TBC1D5: variants seen among roughly 807,000 people sequenced by gnomAD.
The protein encoded by TBC1D5 is TBC1 domain family member 5.
TBC1D5 carries 75 observed loss-of-function variants against 100.3 expected under a neutral mutation model. The ratio of observed to expected loss-of-function variants is 0.75; its 90% confidence interval spans 0.62 to 0.91. TBC1D5 has a LOEUF of 0.91. Ranked by LOEUF, TBC1D5 falls within the 40% of genes least tolerant of loss-of-function variation. The pLI is 0.00. For synonymous variants in TBC1D5, 323 were observed against 325.6 expected (o/e 0.99, Z 0.09); for missense variants, 910 against 942.4 (o/e 0.97, Z 0.45).
chr3:17,706,315 A>G (rs2074157321), intron 1 of TBC1D5: 3 of 1,466,040 alleles, frequency 2.0e-6, no homozygotes, highest in Admixed American at 2.1e-5. Flanking sequence ...TGTTCAAACC[A>G]GAACTGTATA....
chr3:17,562,447 T>C (rs1243058431), intron 2 of TBC1D5, among the ~76,000 whole-genome samples: 4 of 151,494 alleles, frequency 2.6e-5, no homozygotes, highest in Non-Finnish European at 4.4e-5. Context: ...ATAGTGTCTA[T>C]AACTATTCAA....
chr3:17,257,682 T>C (rs1273125676), intron 16 of TBC1D5, among the ~76,000 whole-genome samples: 1 of 152,192 alleles, frequency 6.6e-6, no homozygotes, highest in African/African-American at 2.4e-5. Flanking sequence ...TGAGTTCCTA[T>C]GCAGCAGGAA....
At chr3:17,635,419 G>A (rs555498221) in intron 1 of TBC1D5, among the ~76,000 whole-genome samples, 4 of 152,286 alleles carry the variant, frequency 2.6e-5, no homozygotes, top group South Asian at 2.1e-4. Context: ...GGTGTCTCAC[G>A]CCTGTAATCC....
chr3:17,484,598 T>A (rs1190327269), intron 3 of TBC1D5, among the ~76,000 whole-genome samples: 6 of 151,930 alleles, frequency 3.9e-5, no homozygotes, highest in Admixed American at 3.9e-4. Context: ...CAGGCTCAAG[T>A]GAGCCTCCCA....
At chr3:17,370,941 T>C (rs1299493404) in intron 13 of TBC1D5, among the ~76,000 whole-genome samples, 1 of 152,200 alleles carries the variant, frequency 6.6e-6, no homozygotes, top group East Asian at 1.9e-4. Context: ...TGCCTAGCAC[T>C]ACATATAAAT....
intron 3 of TBC1D5, among the ~76,000 whole-genome samples, chr3:17,490,837 A>G (rs1399133081): frequency 1.3e-5 from 2 of 152,142 alleles, no homozygotes; most frequent in Non-Finnish European, 2.9e-5. Flanking sequence ...TTTTTCTAAT[A>G]TTGTGAAGAA....
intron 4 of TBC1D5, among the ~76,000 whole-genome samples, chr3:17,409,327 CA>C (rs2093858959): frequency 6.6e-6 from 1 of 152,090 alleles, no homozygotes; most frequent in African/African-American, 2.4e-5. Flanking sequence ...CCATATAAGA[CA>C]GTGAACTTAC....
chr3:17,244,739 C>CT (rs1427005575), intron 16 of TBC1D5, among the ~76,000 whole-genome samples: 1 of 152,056 alleles, frequency 6.6e-6, no homozygotes, highest in African/African-American at 2.4e-5. Context: ...TATTGATCTG[C>CT]TGAGTGGATT....
intron 1 of TBC1D5, among the ~76,000 whole-genome samples, chr3:17,693,636 C>T (rs189016410): frequency 1.6e-4 from 25 of 152,390 alleles, no homozygotes; most frequent in African/African-American, 3.6e-4. Flanking sequence ...CCGCTAGACT[C>T]CACCTCCGTA....
At chr3:17,338,871 C>T (rs2088383870) in intron 13 of TBC1D5, among the ~76,000 whole-genome samples, 2 of 152,254 alleles carry the variant, frequency 1.3e-5, no homozygotes, top group South Asian at 4.1e-4. Flanking sequence ...AATTAGTATA[C>T]AATGAATTCA....
At chr3:17,313,054 A>T (rs185475492) in intron 13 of TBC1D5, among the ~76,000 whole-genome samples, 6 of 152,298 alleles carry the variant, frequency 3.9e-5, no homozygotes, top group African/African-American at 1.4e-4. Context: ...AAATTCCAAT[A>T]AAGCTAATGC....
intron 17 of TBC1D5, 58 bp from the exon 19 acceptor site, chr3:17,214,428 G>C: frequency 6.5e-7 from 1 of 1,531,162 alleles, no homozygotes; most frequent in Non-Finnish European, 8.9e-7. Flanking sequence ...TAAGCTATTC[G>C]ATCTACTGTT....
At chr3:17,389,617 A>T (rs1055015300) in intron 8 of TBC1D5, among the ~76,000 whole-genome samples, 6 of 152,240 alleles carry the variant, frequency 3.9e-5, no homozygotes, top group African/African-American at 1.4e-4. Flanking sequence ...GTGAATGAGC[A>T]AACCTTCAGA....
At chr3:17,494,023 T>A (rs979832617) in intron 3 of TBC1D5, among the ~76,000 whole-genome samples, 1 of 152,074 alleles carries the variant, frequency 6.6e-6, no homozygotes, top group Admixed American at 6.6e-5. Flanking sequence ...GTTTTCAGCG[T>A]TTTTGCGCTT....
At chr3:17,681,478 A>G (rs2069463355) in intron 1 of TBC1D5, among the ~76,000 whole-genome samples, 1 of 151,542 alleles carries the variant, frequency 6.6e-6, no homozygotes. Context: ...TTCAAAAGAA[A>G]ACTATAGAAA....
chr3:17,691,827 A>C (rs75297394), intron 1 of TBC1D5, among the ~76,000 whole-genome samples: 1 of 143,350 alleles, frequency 7.0e-6, no homozygotes, highest in Non-Finnish European at 1.5e-5. Context: ...CCGTCTCAAC[A>C]AAAAAAAAAA....
intron 1 of TBC1D5, among the ~76,000 whole-genome samples, chr3:17,648,191 T>C (rs2065186268): frequency 6.6e-6 from 1 of 152,018 alleles, no homozygotes. Flanking sequence ...TCTATGACCA[T>C]CTGATCTTCA....
intron 13 of TBC1D5, among the ~76,000 whole-genome samples, chr3:17,316,929 G>A (rs283927): frequency 0.41 from 61,881 of 152,050 alleles, 13,253 homozygotes; most frequent in Middle Eastern, 0.5. Context: ...CTTCAACAGT[G>A]TGGCAGGTAC....
At chr3:17,355,227 T>C (rs2091098568) in intron 13 of TBC1D5, among the ~76,000 whole-genome samples, 1 of 152,196 alleles carries the variant, frequency 6.6e-6, no homozygotes, top group South Asian at 2.1e-4. Context: ...GCTATTTTTA[T>C]GCCTGCTATA....
Sources: allele counts gnomAD v4.1 joint callset (sites outside exome capture counted in the v4.1 genomes callset), GRCh38; gene constraint gnomAD v4.1.1; transcripts MANE v1.5; gene names NCBI Gene and HGNC (gene_info 2026-07-23, HGNC 2026-07-21).